Variants in AGAP1 observed in about 807,000 individuals in gnomAD.
The protein encoded by AGAP1 is ArfGAP with GTPase domain, ankyrin repeat and PH domain 1, also known as arf-GAP with GTPase, ANK repeat and PH domain-containing protein 1.
Under a neutral mutation model 105.3 loss-of-function variants are expected in AGAP1, and 29 were observed. The observed-to-expected ratio is 0.28, with a 90% CI of 0.21 to 0.38. The LOEUF (loss-of-function observed/expected upper bound fraction) is 0.38, where lower values mean the gene tolerates loss of function less well. Among genes scored for constraint, AGAP1 ranks in the 10% least tolerant of loss-of-function variants. AGAP1 has a pLI of 1.00. For missense variants in AGAP1, 998 were observed against 1,165.1 expected (o/e 0.86, Z 2.09); for synonymous variants, 509 against 485.9 (o/e 1.05, Z -0.63).
intron 9 of AGAP1, among the ~76,000 whole-genome samples, chr2:235,832,785 A>G (rs143056291): frequency 6.6e-6 from 1 of 152,272 alleles, no homozygotes; most frequent in Non-Finnish European, 1.5e-5. Flanking sequence ...GGGATGTTCA[A>G]ACCCACAGAC....
intron 7 of AGAP1, among the ~76,000 whole-genome samples, chr2:235,798,552 G>GT (rs1957348144): frequency 1.3e-5 from 2 of 152,112 alleles, no homozygotes; most frequent in Non-Finnish European, 2.9e-5. Context: ...GTTATGGCAT[G>GT]TATTGTCAGA....
intron 9 of AGAP1, among the ~76,000 whole-genome samples, chr2:235,841,495 G>A (rs908195677): frequency 6.6e-6 from 1 of 152,072 alleles, no homozygotes; most frequent in Admixed American, 6.5e-5. Context: ...CAGGCATGGT[G>A]GTGTGCACCT....
Position 236,124,767 on chromosome 2 carries a change from C to T in AGAP1, c.*645C>T, listed in dbSNP as rs1293924219. The stretch of plus-strand genomic sequence containing the variant: ...ATCGCCGAGAAGAAAGCATATTAGC[C>T]GAGGAGGTAGTCACGCGGCACGCGC... On this transcript the variant is annotated 3_prime_UTR_variant, in exon 18 of 18. Coordinates refer to ENST00000304032, the MANE Select transcript of AGAP1 (RefSeq NM_001037131.3). This position sits in a 1 kb window ranked among gnomAD's most constrained non-coding sequence, Gnocchi z 5.1. The T allele has an allele frequency of 2.6e-5, 4 of 154,208 alleles. No individual in the cohort carries two copies. The highest frequency in any genetic ancestry group is 1.9e-4 in the East Asian group (1 of 5,212). 9.6% of individuals were successfully genotyped at this position (154,208 alleles called of 1,614,324 possible). A position where few individuals can be genotyped will look rare whatever the true frequency, so the allele number is the denominator to read the frequency against.
At chr2:235,499,484 G>A (rs1941472064) in intron 1 of AGAP1, among the ~76,000 whole-genome samples, 1 of 152,310 alleles carries the variant, frequency 6.6e-6, no homozygotes, top group South Asian at 2.1e-4. Context: ...TGAATGAAAG[G>A]TGGCAGGTTT....
At chr2:235,713,121 A>G (rs111444516) in intron 2 of AGAP1, among the ~76,000 whole-genome samples, 4 of 152,332 alleles carry the variant, frequency 2.6e-5, no homozygotes, top group Non-Finnish European at 4.4e-5. Flanking sequence ...GAACGTTGCT[A>G]TGCAGAGAAG....
chr2:235,727,457 A>C (rs1273014091), intron 3 of AGAP1, among the ~76,000 whole-genome samples: 3 of 152,150 alleles, frequency 2.0e-5, no homozygotes, highest in African/African-American at 7.2e-5. Flanking sequence ...GGTATGTTTG[A>C]ATTCACCCCA....
intron 1 of AGAP1, among the ~76,000 whole-genome samples, chr2:235,679,718 C>G (rs1208946027): frequency 6.6e-6 from 1 of 152,194 alleles, no homozygotes. Flanking sequence ...GTGCCTTCTC[C>G]TGGAGGGCTG....
chr2:236,015,940 G>A (rs2056686337), intron 13 of AGAP1, among the ~76,000 whole-genome samples: 1 of 151,930 alleles, frequency 6.6e-6, no homozygotes, highest in African/African-American at 2.4e-5. Context: ...TTCACATCCT[G>A]GTCATTAACC....
In AGAP1 at chr2:236,062,507, A is replaced by T. The variant is rs1361174428; in HGVS notation, c.2114+13226A>T. ...GTATTTTTTTTAGAAACAGAATCTC[A>T]CTCTATCACACAGGCTTGAATGCAG... On this transcript the variant is annotated intron_variant, in intron 16 of 17. Transcript: ENST00000304032. The surrounding 1 kb of genome is among the most constrained non-coding windows in gnomAD (Gnocchi z 4.2). Among the ~76,000 whole-genome samples, 1 of 151,044 alleles carries T rather than the reference A, an allele frequency of 6.6e-6. No individual in the cohort carries two copies. The highest frequency in any genetic ancestry group is 1.5e-5 in the Non-Finnish European group (1 of 67,820).
rs1031679472 is a variant in AGAP1 at position 235,615,007 on chromosome 2, C to G, written c.164-94172C>G. Among the ~76,000 whole-genome samples the G allele has an allele frequency of 1.3e-5, 2 of 152,178 alleles. No homozygotes were observed. The highest frequency in any genetic ancestry group is 2.9e-5 in the Non-Finnish European group (2 of 68,028). On this transcript the variant is annotated intron_variant, in intron 1 of 17. Transcript: ENST00000304032. The surrounding 1 kb of genome is among the most constrained non-coding windows in gnomAD (Gnocchi z 5.0). Reference sequence around the variant, plus strand: ...GTGCGCTCAAATAAAGGAGGCTGTTCAAGGTGAGTGGTTTTCCTGGCGGTG... The same window carrying G: ...GTGCGCTCAAATAAAGGAGGCTGTTGAAGGTGAGTGGTTTTCCTGGCGGTG...
Position 235,959,426 on chromosome 2 carries a change from C to T in AGAP1, c.1484-9036C>T, listed in dbSNP as rs1174685025. Among the ~76,000 whole-genome samples, 1 of 152,132 alleles carries T rather than the reference C, an allele frequency of 6.6e-6. No homozygotes were observed. Among genetic ancestry groups the T allele is most frequent in the Non-Finnish European group, 1.5e-5 (1 of 68,034 alleles). On this transcript the variant is annotated intron_variant, in intron 12 of 17. Transcript: ENST00000304032. The surrounding 1 kb of genome is among the most constrained non-coding windows in gnomAD (Gnocchi z 7.3). ...AAACCAGGGGAATGTTAAACAACTCCTTGAAAGCGAGCTCTCGACACCTAG... is the reference window on the plus strand; with the variant it reads ...AAACCAGGGGAATGTTAAACAACTCTTTGAAAGCGAGCTCTCGACACCTAG...
chr2:235,535,183 C>T lies in AGAP1; in HGVS notation c.163+40334C>T, dbSNP rs1295636136. Among the ~76,000 whole-genome samples the T allele has an allele frequency of 1.3e-5, 2 of 152,268 alleles. No homozygotes were observed. Among genetic ancestry groups the T allele is most frequent in the African/African-American group, 4.8e-5 (2 of 41,550 alleles). ...CAGCCTCCCTCCACCGGGCCACCCG[C>T]ACCAGGTTGCCTCCCATCGTTTGCA... On this transcript the variant is annotated intron_variant, in intron 1 of 17. Transcript: ENST00000304032. This position sits in a 1 kb window ranked among gnomAD's most constrained non-coding sequence, Gnocchi z 5.1.
chr2:235,796,659 G>T (rs1017516939), intron 6 of AGAP1, among the ~76,000 whole-genome samples: 1 of 152,126 alleles, frequency 6.6e-6, no homozygotes, highest in Non-Finnish European at 1.5e-5. Flanking sequence ...TATTAAAATT[G>T]TATTCATTTG....
intron 13 of AGAP1, among the ~76,000 whole-genome samples, chr2:236,023,749 A>G (rs533630742): frequency 1.4e-4 from 21 of 152,240 alleles, no homozygotes; most frequent in African/African-American, 4.8e-4. Flanking sequence ...CCGTTGCGAT[A>G]TCCCATTTCA....
chr2:236,049,342 G>A, intron 16 of AGAP1, 61 bp downstream of exon 16: 2 of 1,505,216 alleles, frequency 1.3e-6, no homozygotes, highest in South Asian at 1.2e-5. Context: ...GCAACTGGAA[G>A]TGATCATAAT....
Position 235,716,358 on chromosome 2 carries a change from A to G in AGAP1, c.223-1199A>G, listed in dbSNP as rs138819599. On this transcript the variant is annotated intron_variant, in intron 2 of 17. Coordinates refer to ENST00000304032, the MANE Select transcript of AGAP1 (RefSeq NM_001037131.3). The surrounding 1 kb of genome is among the most constrained non-coding windows in gnomAD (Gnocchi z 4.0). ...AACAGCAGCTGCTGGTGATGGGGCC[A>G]GGTCAGAGCGAGACAGGCTAGTGGC... Among the ~76,000 whole-genome samples, 57 of 152,282 alleles carry G rather than the reference A, an allele frequency of 3.7e-4. No homozygotes were observed. Among genetic ancestry groups the G allele is most frequent in the Non-Finnish European group, 6.8e-4 (46 of 68,030 alleles).
rs1396749939 is a variant in AGAP1, at chr2:236,042,238, C to T, written c.1891+1397C>T. ...TTGGCCGGGAAGGGAGACAGGAGCC[C>T]AGGACTGCTCCAGACAAAAGGGAAA... On this transcript the variant is annotated intron_variant, in intron 15 of 17. Coordinates refer to ENST00000304032, the MANE Select transcript of AGAP1 (RefSeq NM_001037131.3). The surrounding 1 kb of genome is among the most constrained non-coding windows in gnomAD (Gnocchi z 5.6). Among the ~76,000 whole-genome samples the T allele has an allele frequency of 6.6e-6, 1 of 151,968 alleles. No individual in the cohort carries two copies. The highest frequency in any genetic ancestry group is 1.5e-5 in the Non-Finnish European group (1 of 68,002).
At chr2:236,052,810 A>G (rs1240200543) in intron 16 of AGAP1, among the ~76,000 whole-genome samples, 3 of 152,226 alleles carry the variant, frequency 2.0e-5, no homozygotes, top group African/African-American at 7.2e-5. Flanking sequence ...AAAAAGAAGC[A>G]CGTTAGAAAA....
intron 16 of AGAP1, among the ~76,000 whole-genome samples, chr2:236,059,490 G>A (rs1001130468): frequency 6.6e-5 from 10 of 152,128 alleles, no homozygotes; most frequent in African/African-American, 2.4e-4. Flanking sequence ...GGCACAGTAA[G>A]AGACCGTCAA....
Sources: allele counts gnomAD v4.1 joint callset (sites outside exome capture counted in the v4.1 genomes callset), GRCh38; gene constraint gnomAD v4.1.1; non-coding constraint Gnocchi (gnomAD v3.1); transcripts MANE v1.5; gene names NCBI Gene and HGNC (gene_info 2026-07-23, HGNC 2026-07-21).